The following RAD51C variants were observed in gnomAD, a reference collection of about 807,000 sequenced individuals.
The protein encoded by RAD51C is DNA repair protein RAD51 homolog 3.
A neutral mutation model predicts 45.0 loss-of-function variants in RAD51C; 42 were observed. The observed-to-expected ratio is 0.93, with a 90% CI of 0.73 to 1.21. RAD51C has a LOEUF of 1.21. Among genes scored for constraint, RAD51C ranks in the 50% most tolerant of loss-of-function variants. The probability of loss-of-function intolerance (pLI) is 0.00; values close to 1 mark genes in which losing one functional copy is unlikely to be tolerated. For synonymous variants in RAD51C, 172 were observed against 159.8 expected, an observed-to-expected ratio of 1.08 and a Z score of -0.58; for missense variants, 474 against 452.2, an observed-to-expected ratio of 1.05 and a Z score of -0.44.
chr17:58,726,148 C>T (rs1222681976), intron 7 of RAD51C, among the ~76,000 whole-genome samples: 2 of 151,122 alleles, frequency 1.3e-5, no homozygotes, highest in South Asian at 2.1e-4. Context: ...ATTTTTCATA[C>T]TCTCATTTTA....
At chr17:58,709,182 GATTCTCCT>G (rs2048470604) in intron 4 of RAD51C, among the ~76,000 whole-genome samples, 1 of 149,222 alleles carries the variant, frequency 6.7e-6, no homozygotes, top group South Asian at 2.1e-4. Context: ...GGGTTCAAGA[GATTCTCCT>G]GCCTCAGCCT....
intron 2 of RAD51C, among the ~76,000 whole-genome samples, chr17:58,696,419 C>T (rs1238766771): frequency 6.6e-6 from 1 of 152,132 alleles, no homozygotes. Flanking sequence ...GGCGACAGAG[C>T]GAGACTCCGT....
intron 7 of RAD51C, among the ~76,000 whole-genome samples, chr17:58,728,405 T>C (rs200081382): frequency 0.33 from 18,173 of 54,320 alleles, 1,178 homozygotes; most frequent in Middle Eastern, 0.39. Flanking sequence ...TTTTTTTTTC[T>C]TTTTTTTTTT....
intron 3 of RAD51C, among the ~76,000 whole-genome samples, chr17:58,700,936 A>G (rs2048190988): frequency 6.6e-6 from 1 of 152,098 alleles, no homozygotes; most frequent in African/African-American, 2.4e-5. Flanking sequence ...TCACTTTGTC[A>G]TCCAGGCCGG....
Position 58,713,945 on chromosome 17 carries a change from C to T in RAD51C, c.837+3955C>T, listed in dbSNP as rs549353486. The stretch of plus-strand genomic sequence containing the variant: ...ATGAGCCACTGTGCCCACCCTGTAG[C>T]GTAGTTTTTTTAACCACCTCCTTAT... On this transcript the variant is annotated intron_variant, in intron 5 of 8. Coordinates refer to ENST00000337432, the MANE Select transcript of RAD51C (RefSeq NM_058216.3). Among the ~76,000 whole-genome samples, 7 of 151,966 alleles carry T rather than the reference C, an allele frequency of 4.6e-5. No homozygotes were observed. In the East Asian group the frequency reaches 5.8e-4, roughly 13 times the overall value.
intron 5 of RAD51C, among the ~76,000 whole-genome samples, chr17:58,718,979 T>G (rs543385301): frequency 2.8e-4 from 42 of 152,210 alleles, no homozygotes; most frequent in African/African-American, 1.0e-3. Flanking sequence ...TCCCGGCCCT[T>G]TGGGAGGCCG....
intron 4 of RAD51C, among the ~76,000 whole-genome samples, chr17:58,708,791 A>G (rs2048457196): frequency 6.6e-6 from 1 of 151,754 alleles, no homozygotes; most frequent in Non-Finnish European, 1.5e-5. Context: ...GCTGGTCTCA[A>G]ACTCCTGACC....
At chr17:58,697,553 A>C (rs1437389062) in intron 3 of RAD51C, among the ~76,000 whole-genome samples, 1 of 134,268 alleles carries the variant, frequency 7.4e-6, no homozygotes, top group African/African-American at 2.6e-5. Context: ...AAAAAAAAAA[A>C]AAAACCAAAA....
rs34517797 is a variant in RAD51C at position 58,734,588 on chromosome 17, GTTTTTTTTTT to G, written c.*380_*389del. The G allele has an allele frequency of 7.3e-4, 75 of 102,506 alleles. No homozygotes were observed. The highest frequency in any genetic ancestry group is 2.3e-3 in the Admixed American group (19 of 8,286). The allele number at this position is 102,506 out of a possible 1,614,324, so 6.3% of individuals were successfully genotyped here. On this transcript the variant is annotated 3_prime_UTR_variant, in exon 9 of 9. Coordinates refer to ENST00000337432, the MANE Select transcript of RAD51C (RefSeq NM_058216.3). ...AAGAAACATATCATATTCTTATTGT[GTTTTTTTTTT>G]TTTTTTTTTTTTTGGAGATGGATTC...
chr17:58,697,530 C>T, intron 3 of RAD51C, among the ~76,000 whole-genome samples: 1 of 123,278 alleles, frequency 8.1e-6, no homozygotes, highest in Admixed American at 8.9e-5. Flanking sequence ...AGTGAGACTA[C>T]TCTGTCTCTT....
chr17:58,705,421 C>T (rs1193546083), intron 4 of RAD51C, among the ~76,000 whole-genome samples: 7 of 151,896 alleles, frequency 4.6e-5, no homozygotes, highest in Admixed American at 2.6e-4. Flanking sequence ...ACAACCTCCA[C>T]CTCCCGGATT....
intron 5 of RAD51C, among the ~76,000 whole-genome samples, chr17:58,715,163 T>A (rs1262943974): frequency 6.7e-6 from 1 of 150,080 alleles, no homozygotes; most frequent in African/African-American, 2.4e-5. Context: ...ACAAAAAACC[T>A]CTTTTCAGCT....
chr17:58,706,631 T>G (rs1292723944), intron 4 of RAD51C: 1 of 375,942 alleles, frequency 2.7e-6, no homozygotes, highest in African/African-American at 2.1e-5. Flanking sequence ...GCTCTGAGGA[T>G]CTGTGATCCC....
At chr17:58,711,144 A>G (rs1423049859) in intron 5 of RAD51C, among the ~76,000 whole-genome samples, 2 of 152,172 alleles carry the variant, frequency 1.3e-5, no homozygotes, top group Non-Finnish European at 2.9e-5. Context: ...ATATCAGTGA[A>G]GAGCCTCCAG....
At chr17:58,700,829 G>A (rs1276618884) in intron 3 of RAD51C, among the ~76,000 whole-genome samples, 1 of 152,122 alleles carries the variant, frequency 6.6e-6, no homozygotes, top group Non-Finnish European at 1.5e-5. Flanking sequence ...AATAGGAAAT[G>A]TTTTCTATTT....
At chr17:58,723,067 G>T (rs1254264605) in intron 6 of RAD51C, among the ~76,000 whole-genome samples, 1 of 152,034 alleles carries the variant, frequency 6.6e-6, no homozygotes, top group South Asian at 2.1e-4. Context: ...ATAAATTGCT[G>T]AGTTCAACTG....
At chr17:58,718,332 T>G (rs889210672) in intron 5 of RAD51C, among the ~76,000 whole-genome samples, 1 of 152,186 alleles carries the variant, frequency 6.6e-6, no homozygotes, top group Admixed American at 6.6e-5. Context: ...AAACTCATTT[T>G]CAGAGTAGAC....
chr17:58,712,432 A>C (rs1048225592), intron 5 of RAD51C, among the ~76,000 whole-genome samples: 2 of 152,030 alleles, frequency 1.3e-5, no homozygotes, highest in Non-Finnish European at 2.9e-5. Flanking sequence ...AAAATGTAGG[A>C]AGCGATTATT....
At chr17:58,725,998 C>CAA (rs1329097091) in intron 7 of RAD51C, among the ~76,000 whole-genome samples, 54 of 48,502 alleles carry the variant, frequency 1.1e-3, no homozygotes, top group African/African-American at 3.4e-3. Context: ...CCACCCCCTG[C>CAA]AAAAAAAAAA....
Sources: allele counts gnomAD v4.1 joint callset (sites outside exome capture counted in the v4.1 genomes callset), GRCh38; gene constraint gnomAD v4.1.1; transcripts MANE v1.5; gene names NCBI Gene and HGNC (gene_info 2026-07-23, HGNC 2026-07-21).